Variants in PHF24 observed in about 807,000 individuals in gnomAD.
The protein encoded by PHF24 is Galpha inhibitory interacting protein.
A neutral mutation model predicts 42.6 loss-of-function variants in PHF24; 25 were observed. That is an observed-to-expected ratio of 0.59 (90% CI 0.43 to 0.82). PHF24 has a LOEUF of 0.82. PHF24 is among the 40% of genes least tolerant of loss of function. PHF24 has a pLI of 0.00. For missense variants in PHF24, 470 were observed against 538.1 expected (o/e 0.87, Z 1.25); for synonymous variants, 185 against 204.8 (o/e 0.90, Z 0.83).
At chr9:34,678,495 C>T in the PHF24 span, among the ~76,000 whole-genome samples, 1 of 152,064 alleles carries the variant, frequency 6.6e-6, no homozygotes, top group Admixed American at 6.6e-5. Flanking sequence ...CCACCACACC[C>T]AGCTAATTTT....
the PHF24 span, among the ~76,000 whole-genome samples, chr9:34,896,730 C>T: frequency 6.6e-6 from 1 of 152,116 alleles, no homozygotes; most frequent in Non-Finnish European, 1.5e-5. Flanking sequence ...ACTCCTTTGC[C>T]CACTGATTCT....
the PHF24 span, among the ~76,000 whole-genome samples, chr9:34,853,106 T>C: frequency 6.6e-6 from 1 of 152,218 alleles, no homozygotes. Flanking sequence ...GTTTGTCATA[T>C]ATGGCTGTTA....
chr9:34,697,779 C>T, the PHF24 span, among the ~76,000 whole-genome samples: 2,705 of 152,260 alleles, frequency 0.018, 95 homozygotes, highest in African/African-American at 0.061. Context: ...CTTCAAGGCA[C>T]AAGAACACAT....
the PHF24 span, among the ~76,000 whole-genome samples, chr9:34,803,009 G>A: frequency 6.6e-6 from 1 of 152,028 alleles, no homozygotes; most frequent in African/African-American, 2.4e-5. Context: ...CTCTCTCAGT[G>A]TGCTTCCTTT....
the PHF24 span, among the ~76,000 whole-genome samples, chr9:34,673,299 A>C: frequency 1.4e-5 from 2 of 147,652 alleles, no homozygotes; most frequent in Non-Finnish European, 3.0e-5. Context: ...GGTTGCAGTG[A>C]GCCGAGATCG....
rs1827219480 is a variant in PHF24 at position 34,977,122 on chromosome 9, C to T, written c.889C>T (p.Arg297Ter). Residue 297 changes from arginine to a stop codon, truncating the protein, a stop_gained, in exon 6 of 8, where the codon CGA (arginine) becomes TGA (stop). Transcript: ENST00000242315. LOFTEE classifies it high-confidence loss of function. ...GCTTCTGACAGTGAAGGAGCGGGAG[C>T]GAGCCCGAGCCGCCTTCCTGGCTCG... The T allele has an allele frequency of 6.2e-7, 1 of 1,612,532 alleles. No homozygotes were observed. The highest frequency in any genetic ancestry group is 8.5e-7 in the Non-Finnish European group (1 of 1,179,124).
chr9:34,774,055 A>T, the PHF24 span, among the ~76,000 whole-genome samples: 1 of 152,236 alleles, frequency 6.6e-6, no homozygotes. Flanking sequence ...ACATGCAAAA[A>T]TGCAGCTGGA....
chr9:34,710,059 T>G, the PHF24 span: 11 of 1,613,690 alleles, frequency 6.8e-6, no homozygotes, highest in Non-Finnish European at 9.3e-6. Flanking sequence ...AGCCAGTGAC[T>G]GAGCCATGTC....
the PHF24 span, among the ~76,000 whole-genome samples, chr9:34,881,454 A>G: frequency 1.3e-5 from 2 of 152,338 alleles, no homozygotes; most frequent in East Asian, 1.9e-4. Flanking sequence ...CAAAATTGAT[A>G]TACTGCTAGC....
chr9:34,971,818 A>C, intron 2 of PHF24, 142 bp downstream of exon 2: 1 of 999,512 alleles, frequency 1.0e-6, no homozygotes, highest in East Asian at 2.5e-5. Flanking sequence ...TTCTGTAAGA[A>C]TAAAATGTTT....
the PHF24 span, among the ~76,000 whole-genome samples, chr9:34,817,200 A>G: frequency 6.6e-6 from 1 of 152,148 alleles, no homozygotes; most frequent in African/African-American, 2.4e-5. Flanking sequence ...AATAATGCAG[A>G]GGCTCTTTAT....
chr9:34,759,044 T>G, the PHF24 span, among the ~76,000 whole-genome samples: 1 of 152,174 alleles, frequency 6.6e-6, no homozygotes, highest in Non-Finnish European at 1.5e-5. Flanking sequence ...AGTCAAATCT[T>G]AGCTGTTTAT....
rs903312368 is a variant in PHF24, at chr9:34,971,625, G to A, written c.327G>A (p.Arg109=). 3.7e-6 allele frequency: 6 copies of A among 1,613,792 alleles called. No homozygotes were observed. The African/African-American group carries it at 4.0e-5, about 11-fold the overall frequency. The change falls in exon 2 of 8, where the codon CGG becomes CGA. Residue 109 remains arginine (R), a synonymous_variant. Transcript: ENST00000242315. ...CCCCTGCGTTCATCCGCCCCACCCG[G>A]AAGCTGGATGATGACAAACCTCCAG...
the PHF24 span, among the ~76,000 whole-genome samples, chr9:34,711,305 GGC>G: frequency 6.7e-6 from 1 of 149,756 alleles, no homozygotes; most frequent in African/African-American, 2.5e-5. Flanking sequence ...GGAGTGCGGT[GGC>G]ACAATCTCAG....
At chr9:34,745,949 A>G in the PHF24 span, among the ~76,000 whole-genome samples, 1 of 152,106 alleles carries the variant, frequency 6.6e-6, no homozygotes, top group African/African-American at 2.4e-5. Flanking sequence ...AACTTTGGTA[A>G]AACTACCAAA....
the PHF24 span, among the ~76,000 whole-genome samples, chr9:34,819,360 A>C: frequency 1.1e-4 from 16 of 151,978 alleles, no homozygotes; most frequent in Non-Finnish European, 1.8e-4. Context: ...TTAAGGTGGA[A>C]TCTTAATTTA....
the PHF24 span, chr9:34,835,806 C>G: frequency 6.6e-7 from 1 of 1,515,642 alleles, no homozygotes; most frequent in South Asian, 1.2e-5. Context: ...TTATAGATGC[C>G]AGTGAAAGCT....
At chr9:34,831,607 T>G in the PHF24 span, among the ~76,000 whole-genome samples, 1 of 152,176 alleles carries the variant, frequency 6.6e-6, no homozygotes. Context: ...AGGCTCATTT[T>G]AGCACCAAGC....
At position 34,958,980 on chromosome 9, in the gene PHF24, C is replaced by A. The variant is rs1826493940; in HGVS notation, c.-5+579C>A. On this transcript the variant is annotated intron_variant, in intron 1 of 7. Transcript: ENST00000242315. The surrounding 1 kb of genome is among the most constrained non-coding windows in gnomAD (Gnocchi z 4.5). ...GTTCCATGTGCCCTTACTTGTATCC[C>A]CACACCGTGGCCCAGAGGTGGGGGC... 6.6e-6 allele frequency among the ~76,000 whole-genome samples: 1 copy of A among 152,198 alleles called. No individual in the cohort carries two copies. Among genetic ancestry groups the A allele is most frequent in the Non-Finnish European group, 1.5e-5 (1 of 68,018 alleles).
Sources: gnomAD v4.1 joint callset for allele counts (sites outside exome capture counted in the v4.1 genomes callset) on GRCh38, gnomAD v4.1.1 for gene constraint, Gnocchi (gnomAD v3.1) non-coding constraint, MANE v1.5 for transcripts, NCBI Gene and HGNC (gene_info 2026-07-23, HGNC 2026-07-21) for gene names.